LEMD3: variants seen among roughly 807,000 people sequenced by gnomAD.
LEMD3 encodes the protein inner nuclear membrane protein Man1.
In LEMD3, 33 loss-of-function variants were observed where a neutral mutation model predicts 95.2. That is an observed-to-expected ratio of 0.35 (90% CI 0.26 to 0.46). The LOEUF (loss-of-function observed/expected upper bound fraction) is 0.46, where lower values mean the gene tolerates loss of function less well. Among genes scored for constraint, LEMD3 ranks in the 20% least tolerant of loss-of-function variants. LEMD3 has a pLI of 1.00. For missense variants in LEMD3, 1,210 were observed against 1,192.8 expected (o/e 1.01, Z -0.21); for synonymous variants, 525 against 474.6 (o/e 1.11, Z -1.38).
chr12:65,204,317 T>C (rs567054236), intron 1 of LEMD3, among the ~76,000 whole-genome samples: 2 of 152,144 alleles, frequency 1.3e-5, no homozygotes, highest in Non-Finnish European at 2.9e-5. Context: ...TTTTTCCTGA[T>C]GCTCTCCCTC....
intron 9 of LEMD3, 121 bp downstream of exon 9, chr12:65,241,208 C>A (rs1248953726): frequency 1.2e-6 from 1 of 817,672 alleles, no homozygotes; most frequent in Non-Finnish European, 2.0e-6. Flanking sequence ...CGTTCTGTTT[C>A]GTAGAAGGAA....
intron 1 of LEMD3, among the ~76,000 whole-genome samples, chr12:65,193,748 G>GTGTC (rs1314757398): frequency 6.7e-6 from 1 of 149,484 alleles, no homozygotes; most frequent in Admixed American, 6.6e-5. Context: ...GTGTGTGTGT[G>GTGTC]TGTGTGTGTG....
intron 4 of LEMD3, among the ~76,000 whole-genome samples, chr12:65,233,495 T>G (rs2136350702): frequency 6.6e-6 from 1 of 152,316 alleles, no homozygotes; most frequent in Non-Finnish European, 1.5e-5. Context: ...ATCATACAAT[T>G]CTTACTGAAT....
chr12:65,171,203 T>G, intron 1 of LEMD3, 85 bp downstream of exon 1: 1 of 1,588,230 alleles, frequency 6.3e-7, no homozygotes, highest in African/African-American at 1.3e-5. Flanking sequence ...TTACATGAAG[T>G]GACTTACCTG....
intron 1 of LEMD3, among the ~76,000 whole-genome samples, chr12:65,176,160 CT>C (rs1188798945): frequency 6.6e-6 from 1 of 152,210 alleles, no homozygotes; most frequent in East Asian, 1.9e-4. Flanking sequence ...AGCAGCGTTT[CT>C]AAAGCACAAA....
At chr12:65,206,391 C>T (rs1401273827) in intron 1 of LEMD3, among the ~76,000 whole-genome samples, 1 of 152,088 alleles carries the variant, frequency 6.6e-6, no homozygotes, top group Non-Finnish European at 1.5e-5. Context: ...AGAATTGCTG[C>T]CCTCCAGGAC....
intron 4 of LEMD3, among the ~76,000 whole-genome samples, chr12:65,219,357 A>T (rs537765049): frequency 1.1e-3 from 169 of 152,242 alleles, no homozygotes; most frequent in Non-Finnish European, 2.1e-3. Context: ...TTAAAGATGG[A>T]TAAATGTCAT....
At chr12:65,180,105 C>T (rs764739270) in intron 1 of LEMD3, among the ~76,000 whole-genome samples, 15 of 151,806 alleles carry the variant, frequency 9.9e-5, no homozygotes, top group African/African-American at 2.4e-4. Flanking sequence ...GCACCACGCC[C>T]GGCTAATTTT....
At chr12:65,223,299 A>ATTTT (rs35145654) in intron 4 of LEMD3, among the ~76,000 whole-genome samples, 16 of 118,666 alleles carry the variant, frequency 1.3e-4, no homozygotes, top group Non-Finnish European at 1.9e-4. Context: ...TCATGTGATG[A>ATTTT]TTTTTTTTTT....
At chr12:65,244,452 T>G (rs918611388) in intron 10 of LEMD3, among the ~76,000 whole-genome samples, 2 of 152,180 alleles carry the variant, frequency 1.3e-5, no homozygotes, top group Non-Finnish European at 2.9e-5. Context: ...GTGAAGTCAC[T>G]TTCCTCTCTC....
Position 65,170,725 on chromosome 12 carries a change from T to C in LEMD3, c.1129T>C (p.Ser377Pro). Residue 377 changes from serine to proline, a missense_variant, in exon 1 of 13, where the codon TCA (serine) becomes CCA (proline). By Grantham distance (74) the Ser-to-Pro change is moderately conservative. Around this residue, in one of 2 missense-constraint regions of LEMD3, gnomAD observed 749 missense variants for 622.9 expected, o/e 1.20. Transcript: ENST00000308330. ...LLPPPLTDMD[S>P]TLDSSTGSLL... Reference sequence around the variant, plus strand: ...GCCCCCGCCACTTACTGACATGGACTCAACCTTGGATTCGTCAACAGGCTC... The same window carrying C: ...GCCCCCGCCACTTACTGACATGGACCCAACCTTGGATTCGTCAACAGGCTC... 5.0e-6 allele frequency: 8 copies of C among 1,614,238 alleles called. No homozygotes were observed. Among genetic ancestry groups the C allele is most frequent in the Non-Finnish European group, 6.8e-6 (8 of 1,180,046 alleles).
At chr12:65,245,544 AT>A in intron 10 of LEMD3, 124 bp from the exon 11 acceptor site, 1 of 735,648 alleles carries the variant, frequency 1.4e-6, no homozygotes, top group Non-Finnish European at 2.4e-6. Flanking sequence ...CTTAATACCA[AT>A]TAAAATCGTA....
intron 1 of LEMD3, among the ~76,000 whole-genome samples, chr12:65,178,815 A>G (rs1367569889): frequency 6.6e-6 from 1 of 152,166 alleles, no homozygotes; most frequent in East Asian, 1.9e-4. Context: ...TTGCCTTTTA[A>G]TATGTATAAA....
chr12:65,189,088 T>TAA (rs1869157483), intron 1 of LEMD3, among the ~76,000 whole-genome samples: 1 of 152,192 alleles, frequency 6.6e-6, no homozygotes, highest in Non-Finnish European at 1.5e-5. Flanking sequence ...TAGGCACAGT[T>TAA]AAGAGATTAA....
rs1177104772 is a variant in LEMD3, at chr12:65,241,036, G to T, written c.2254G>T (p.Ala752Ser). The T allele has an allele frequency of 6.2e-7, 1 of 1,613,910 alleles. No individual in the cohort carries two copies. The highest frequency in any genetic ancestry group is 2.2e-5 in the East Asian group (1 of 44,880). The change falls in exon 9 of 13, where the codon GCA (alanine) becomes TCA (serine). Residue 752 changes from alanine to serine, a missense_variant. Ala to Ser is a moderately conservative substitution (Grantham distance 99). Transcript: ENST00000308330. ...FLVWRWIQPS[A>S]SCDKILVIPS... ...GGTTTGGCGGTGGATCCAGCCTTCT[G>T]CATCCTGTGACAAAATATTAGTTAT...
chr12:65,242,803 A>T (rs7967914), intron 9 of LEMD3, among the ~76,000 whole-genome samples: 5,733 of 152,298 alleles, frequency 0.038, 358 homozygotes, highest in African/African-American at 0.13. Context: ...TTTTTAAAAT[A>T]TGTAGTTTTA....
At chr12:65,226,726 C>A (rs1016839097) in intron 4 of LEMD3, among the ~76,000 whole-genome samples, 4 of 152,162 alleles carry the variant, frequency 2.6e-5, no homozygotes, top group African/African-American at 9.6e-5. Flanking sequence ...TTGGTAAAGT[C>A]TCTAACTTTT....
intron 1 of LEMD3, among the ~76,000 whole-genome samples, chr12:65,193,927 A>G (rs186243204): frequency 6.6e-6 from 1 of 152,240 alleles, no homozygotes; most frequent in East Asian, 1.9e-4. Flanking sequence ...TAAAGATAAC[A>G]AACTTATTTG....
intron 1 of LEMD3, among the ~76,000 whole-genome samples, chr12:65,176,951 G>C (rs1423106182): frequency 1.3e-5 from 2 of 152,162 alleles, no homozygotes; most frequent in African/African-American, 4.8e-5. Context: ...TATCTACTTA[G>C]TATCTGGTAA....
Sources: gnomAD v4.1 joint callset for allele counts (sites outside exome capture counted in the v4.1 genomes callset) on GRCh38, gnomAD v4.1.1 for gene constraint, gnomAD v4.1.1 regional missense constraint, MANE v1.5 for transcripts, NCBI Gene and HGNC (gene_info 2026-07-23, HGNC 2026-07-21) for gene names.